HECW2: variants seen among roughly 807,000 people sequenced by gnomAD.
HECW2 encodes E3 ubiquitin-protein ligase HECW2.
In HECW2, 61 loss-of-function variants were observed where a neutral mutation model predicts 175.2. That is an observed-to-expected ratio of 0.35 (90% CI 0.28 to 0.43). The LOEUF (loss-of-function observed/expected upper bound fraction) is 0.43. HECW2 is among the 20% of genes least tolerant of loss of function. HECW2 has a pLI of 1.00. For synonymous variants in HECW2, 671 were observed against 731.0 expected, an observed-to-expected ratio of 0.92 and a Z score of 1.32; for missense variants, 1,524 against 2,000.5, an observed-to-expected ratio of 0.76 and a Z score of 4.54.
At chr2:196,478,840 A>G (rs1032091235) in intron 1 of HECW2, among the ~76,000 whole-genome samples, 3 of 152,140 alleles carry the variant, frequency 2.0e-5, no homozygotes, top group Admixed American at 6.5e-5. Context: ...CCAGGGCTAC[A>G]GCCAAGACAA....
chr2:196,281,514 C>T (rs556501512), intron 14 of HECW2, among the ~76,000 whole-genome samples: 5 of 151,788 alleles, frequency 3.3e-5, no homozygotes, highest in African/African-American at 1.2e-4. Context: ...GTGGCAGACA[C>T]CTGTAGTCCC....
chr2:196,345,464 A>G (rs1692921904), intron 2 of HECW2, among the ~76,000 whole-genome samples: 1 of 152,214 alleles, frequency 6.6e-6, no homozygotes, highest in African/African-American at 2.4e-5. Context: ...ACCCTATGGA[A>G]AACTGTAATT....
Position 196,307,123 on chromosome 2 carries a change from C to A in HECW2, c.2689+7G>T, listed in dbSNP as rs1239541849. On this transcript the variant is annotated splice_region_variant and intron_variant, in intron 12 of 28. Transcript: ENST00000644978. ...GAAATTACAAAAACAAAGCCCAAAG[C>A]TCTTACCTGCACTGGCTTGGTGAAA... The A allele has an allele frequency of 2.5e-6, 4 of 1,592,454 alleles. No individual in the cohort carries two copies. Among genetic ancestry groups the A allele is most frequent in the Non-Finnish European group, 3.4e-6 (4 of 1,160,544 alleles).
In HECW2 at chr2:196,242,224, G is replaced by A. The variant is rs1036453599; in HGVS notation, c.3530-20C>T. 21 of 1,613,836 alleles carry A rather than the reference G, an allele frequency of 1.3e-5. No homozygotes were observed. Among genetic ancestry groups the A allele is most frequent in the Non-Finnish European group, 1.6e-5 (19 of 1,179,994 alleles). On this transcript the variant is annotated intron_variant, in intron 19 of 28. Coordinates refer to ENST00000644978, the MANE Select transcript of HECW2 (RefSeq NM_001348768.2). ...GGGTACCTGCAGCAAACCACAAAGA[G>A]AGGACAATCTGGATTTGTGCCTCGT... is the stretch of plus-strand genomic sequence containing the variant.
rs539539808 is a variant in HECW2, at chr2:196,206,970, T to G, written c.4608-5582A>C. Among the ~76,000 whole-genome samples, 37 of 152,222 alleles carry G rather than the reference T, an allele frequency of 2.4e-4. No homozygotes were observed. The South Asian group carries it at 6.2e-3, about 26-fold the overall frequency. Reference sequence around the variant, plus strand: ...CTATCTGTGCCAAGGCTTGAAAGATTTGTAGGTGTGCAGGTTTTCTCTGAA... The same window carrying G: ...CTATCTGTGCCAAGGCTTGAAAGATGTGTAGGTGTGCAGGTTTTCTCTGAA... On this transcript the variant is annotated intron_variant, in intron 28 of 28. Transcript: ENST00000644978.
At chr2:196,390,485 G>T (rs191008328) in intron 2 of HECW2, among the ~76,000 whole-genome samples, 145 of 152,212 alleles carry the variant, frequency 9.5e-4, no homozygotes, top group East Asian at 8.7e-3. Flanking sequence ...AGCAAAAGTC[G>T]CTGCATGGAA....
At chr2:196,336,679 G>A (rs1284722970) in intron 3 of HECW2, among the ~76,000 whole-genome samples, 1 of 152,174 alleles carries the variant, frequency 6.6e-6, no homozygotes, top group Non-Finnish European at 1.5e-5. Context: ...GGAGGATGAT[G>A]ATAATCATGC....
At chr2:196,378,427 T>C (rs1238767202) in intron 2 of HECW2, among the ~76,000 whole-genome samples, 10 of 152,224 alleles carry the variant, frequency 6.6e-5, no homozygotes, top group Non-Finnish European at 1.0e-4. Context: ...CCTTCTTGTA[T>C]AGCTTTCCCC....
At chr2:196,451,694 T>G (rs1222791500) in intron 1 of HECW2, among the ~76,000 whole-genome samples, 1 of 150,408 alleles carries the variant, frequency 6.6e-6, no homozygotes, top group Admixed American at 6.6e-5. Context: ...AGGTCAAGAG[T>G]TTGAGAGCAG....
At chr2:196,267,361 G>T (rs1424329141) in intron 17 of HECW2, among the ~76,000 whole-genome samples, 1 of 152,098 alleles carries the variant, frequency 6.6e-6, no homozygotes, top group Non-Finnish European at 1.5e-5. Context: ...TAAAATGTTA[G>T]AACTTTTTTT....
chr2:196,478,779 T>C (rs1329368869), intron 1 of HECW2, among the ~76,000 whole-genome samples: 1 of 152,040 alleles, frequency 6.6e-6, no homozygotes, highest in Non-Finnish European at 1.5e-5. Flanking sequence ...TGTGCTGATG[T>C]GCATCCCCAA....
intron 28 of HECW2, among the ~76,000 whole-genome samples, chr2:196,211,673 T>A (rs1687290445): frequency 6.6e-6 from 1 of 152,180 alleles, no homozygotes; most frequent in African/African-American, 2.4e-5. Flanking sequence ...GACTCACATT[T>A]GCCTGCTTGA....
At chr2:196,411,751 C>T (rs559482404) in intron 2 of HECW2, among the ~76,000 whole-genome samples, 1 of 152,364 alleles carries the variant, frequency 6.6e-6, no homozygotes, top group South Asian at 2.1e-4. Context: ...TGGCTCACGC[C>T]TGTAATCCTA....
intron 18 of HECW2, among the ~76,000 whole-genome samples, chr2:196,255,395 T>C (rs1159250189): frequency 1.3e-5 from 2 of 152,196 alleles, no homozygotes; most frequent in African/African-American, 4.8e-5. Context: ...AAAATATTTA[T>C]GTAGCCAAAT....
At chr2:196,350,688 T>C (rs1693138056) in intron 2 of HECW2, among the ~76,000 whole-genome samples, 1 of 152,138 alleles carries the variant, frequency 6.6e-6, no homozygotes, top group East Asian at 1.9e-4. Context: ...ATCTATTTCC[T>C]GCCATAAGCA....
At chr2:196,218,492 T>G (rs555189956) in intron 26 of HECW2, among the ~76,000 whole-genome samples, 30 of 152,186 alleles carry the variant, frequency 2.0e-4, no homozygotes, top group Non-Finnish European at 3.8e-4. Context: ...AATACAAAAA[T>G]GGCTGATTCT....
intron 2 of HECW2, among the ~76,000 whole-genome samples, chr2:196,389,403 G>A (rs1238554117): frequency 1.3e-5 from 2 of 152,132 alleles, no homozygotes; most frequent in Admixed American, 6.5e-5. Context: ...GGTCAAATAC[G>A]ACTAGGATGT....
chr2:196,525,526 T>C (rs1490795794), intron 1 of HECW2, among the ~76,000 whole-genome samples: 4 of 139,936 alleles, frequency 2.9e-5, no homozygotes, highest in Non-Finnish European at 6.2e-5. Flanking sequence ...CATTATGATG[T>C]TAGCTGGTGA....
chr2:196,240,138 GT>G (rs921118228), intron 21 of HECW2: 3 of 197,116 alleles, frequency 1.5e-5, no homozygotes, highest in African/African-American at 2.3e-5. Flanking sequence ...GCAATTCCTT[GT>G]TTTTTTTCCT....
Sources: allele counts gnomAD v4.1 joint callset (sites outside exome capture counted in the v4.1 genomes callset), GRCh38; gene constraint gnomAD v4.1.1; transcripts MANE v1.5; gene names NCBI Gene and HGNC (gene_info 2026-07-23, HGNC 2026-07-21).